The following TXNRD1 variants were observed in gnomAD, a reference collection of about 807,000 sequenced individuals.
The protein encoded by TXNRD1 is thioredoxin reductase 1, also known as thioredoxin reductase 1, cytoplasmic.
In TXNRD1, 57 loss-of-function variants were observed where a neutral mutation model predicts 80.3. The observed-to-expected ratio is 0.71, with a 90% CI of 0.57 to 0.89. The LOEUF (loss-of-function observed/expected upper bound fraction) is 0.89, where lower values mean the gene tolerates loss of function less well. Among genes scored for constraint, TXNRD1 ranks in the 40% least tolerant of loss-of-function variants. The pLI is 0.00. For synonymous variants in TXNRD1, 291 were observed against 285.2 expected (o/e 1.02, Z -0.20); for missense variants, 730 against 803.0 (o/e 0.91, Z 1.10).
intron 1 of TXNRD1, among the ~76,000 whole-genome samples, chr12:104,235,564 C>T (rs2032722316): frequency 6.6e-6 from 1 of 152,042 alleles, no homozygotes. Flanking sequence ...CTTGTGCAAA[C>T]CAGTAAAAGG....
intron 4 of TXNRD1, 64 bp from the exon 5 acceptor site, chr12:104,311,226 C>T: frequency 6.8e-7 from 1 of 1,478,380 alleles, no homozygotes. Context: ...GATTTTCTTA[C>T]AAAGCTTTTT....
At chr12:104,267,864 T>G (rs1453945582) in intron 3 of TXNRD1, among the ~76,000 whole-genome samples, 1 of 149,558 alleles carries the variant, frequency 6.7e-6, no homozygotes, top group Non-Finnish European at 1.5e-5. Context: ...TCTTTTTTTT[T>G]TTGAGACTGA....
In TXNRD1 at chr12:104,239,546, A is replaced by G. The variant is rs145565989; in HGVS notation, c.92-11981A>G. Among the ~76,000 whole-genome samples the G allele has an allele frequency of 1.5e-3, 226 of 149,816 alleles. 3 individuals carry two copies. Among genetic ancestry groups the G allele is most frequent in the Admixed American group, 9.0e-3 (132 of 14,596 alleles). Reference sequence around the variant, plus strand: ...CTTGTCTATTCAAGATTATAAGTCTATTTAGCTTCTCATTCCTTTTTTTTC... The same window carrying G: ...CTTGTCTATTCAAGATTATAAGTCTGTTTAGCTTCTCATTCCTTTTTTTTC... On this transcript the variant is annotated intron_variant, in intron 1 of 16. Coordinates refer to ENST00000525566, the MANE Select transcript of TXNRD1 (RefSeq NM_001093771.3).
At chr12:104,249,393 A>G (rs1379989862) in intron 1 of TXNRD1, among the ~76,000 whole-genome samples, 1 of 152,206 alleles carries the variant, frequency 6.6e-6, no homozygotes, top group Non-Finnish European at 1.5e-5. Flanking sequence ...CATTCAGATC[A>G]TAGCGCTTAT....
In TXNRD1 at chr12:104,348,577, A is replaced by AT. The variant is rs1425677224; in HGVS notation, c.*156_*157insT. ...GGCCCCCTTGGATCTCTTGGATAGG[A>AT]GTTGGTGAATAGAAGGCAGGCAGCA... On this transcript the variant is annotated 3_prime_UTR_variant, in exon 17 of 17. Transcript: ENST00000525566. 4.7e-6 allele frequency: 3 copies of AT among 642,934 alleles called. No individual in the cohort carries two copies. The highest frequency in any genetic ancestry group is 2.9e-5 in the Admixed American group (1 of 34,400). 39.8% of individuals were successfully genotyped at this position (642,934 alleles called of 1,614,324 possible). A position where few individuals can be genotyped will look rare whatever the true frequency, so the allele number is the denominator to read the frequency against.
chr12:104,290,215 C>T (rs2034130796), intron 4 of TXNRD1, among the ~76,000 whole-genome samples: 1 of 151,940 alleles, frequency 6.6e-6, no homozygotes, highest in South Asian at 2.1e-4. Context: ...TATTTATTAC[C>T]TTTTCTTTTA....
Position 104,230,162 on chromosome 12 carries a change from C to T in TXNRD1, c.91+14269C>T, listed in dbSNP as rs570923876. Among the ~76,000 whole-genome samples, 142 of 151,472 alleles carry T rather than the reference C, an allele frequency of 9.4e-4. No individual in the cohort carries two copies. In the Middle Eastern group the frequency reaches 0.017, roughly 18 times the overall value. On this transcript the variant is annotated intron_variant, in intron 1 of 16. Coordinates refer to ENST00000525566, the MANE Select transcript of TXNRD1 (RefSeq NM_001093771.3). ...TTGGCTCACTGCAACCTCCACCTCC[C>T]GGTTCAAGCAATTCTTCTGCTTGAG...
At chr12:104,329,333 A>G (rs2035871747) in intron 13 of TXNRD1, among the ~76,000 whole-genome samples, 1 of 151,840 alleles carries the variant, frequency 6.6e-6, no homozygotes, top group South Asian at 2.1e-4. Flanking sequence ...AAAGGCTAAA[A>G]CATTGAATGG....
chr12:104,224,116 T>TC (rs2032416920), intron 1 of TXNRD1, among the ~76,000 whole-genome samples: 3 of 152,282 alleles, frequency 2.0e-5, no homozygotes, highest in East Asian at 1.9e-4. Context: ...AAGTTTTTTT[T>TC]CCCCTGTTCC....
At chr12:104,325,804 C>T (rs1044748265) in intron 11 of TXNRD1, among the ~76,000 whole-genome samples, 6 of 151,566 alleles carry the variant, frequency 4.0e-5, no homozygotes, top group African/African-American at 1.5e-4. Context: ...CCCAGGAGAC[C>T]TAGGTTGCAG....
chr12:104,269,296 C>T lies in TXNRD1; in HGVS notation c.304+11217C>T, dbSNP rs115829464. Among the ~76,000 whole-genome samples the T allele has an allele frequency of 4.8e-3, 727 of 152,264 alleles. 2 individuals carry two copies. The highest frequency in any genetic ancestry group is 0.016 in the African/African-American group (685 of 41,554). On this transcript the variant is annotated intron_variant, in intron 3 of 16. Coordinates refer to ENST00000525566, the MANE Select transcript of TXNRD1 (RefSeq NM_001093771.3). ...TTATTTGCTCATCCATAAAAAGCAG[C>T]TCCTCATCCATTCAAATTTTACATG... is the stretch of plus-strand genomic sequence containing the variant.
intron 4 of TXNRD1, chr12:104,309,721 C>A (rs35205057): frequency 1.2e-5 from 17 of 1,437,042 alleles, no homozygotes; most frequent in South Asian, 2.7e-5. Flanking sequence ...ATCCTTTGAT[C>A]GAATGGCTAT....
At chr12:104,223,163 C>T (rs768430306) in intron 1 of TXNRD1, among the ~76,000 whole-genome samples, 1 of 152,194 alleles carries the variant, frequency 6.6e-6, no homozygotes, top group African/African-American at 2.4e-5. Flanking sequence ...GCATTTTAAG[C>T]TGCTTAATCC....
intron 3 of TXNRD1, among the ~76,000 whole-genome samples, chr12:104,261,483 T>C (rs1487676111): frequency 6.6e-6 from 1 of 152,086 alleles, no homozygotes; most frequent in South Asian, 2.1e-4. Flanking sequence ...TTCTTAAATG[T>C]CCTCTTTACT....
Position 104,326,375 on chromosome 12 carries a change from G to T in TXNRD1, c.1337G>T (p.Cys446Phe). Residue 446 changes from cysteine to phenylalanine, a missense_variant, in exon 12 of 17, where the codon TGC becomes TTC. By Grantham distance (205) the Cys-to-Phe change is radical (BLOSUM62 -2). Coordinates refer to ENST00000525566, the MANE Select transcript of TXNRD1 (RefSeq NM_001093771.3). ...TVMLAIGRDA[C>F]TRKIGLETVG... ...ATGCTGGCAATAGGAAGAGATGCTTGCACAAGAAAAATTGGCTTAGAAACC... is the reference window on the plus strand; with the variant it reads ...ATGCTGGCAATAGGAAGAGATGCTTTCACAAGAAAAATTGGCTTAGAAACC... 6.3e-7 allele frequency: 1 copy of T among 1,593,840 alleles called. No homozygotes were observed. The highest frequency in any genetic ancestry group is 1.8e-5 in the Admixed American group (1 of 57,090).
chr12:104,303,784 T>G (rs1481835777), intron 4 of TXNRD1: 3 of 1,277,434 alleles, frequency 2.3e-6, no homozygotes, highest in Admixed American at 6.3e-5. Context: ...TTCCACACGC[T>G]GGGAGGGCCG....
chr12:104,254,346 C>T (rs561681838), intron 2 of TXNRD1, among the ~76,000 whole-genome samples: 1 of 152,152 alleles, frequency 6.6e-6, no homozygotes, highest in Admixed American at 6.6e-5. Flanking sequence ...AATCTTCCTT[C>T]TGTCAGTACT....
intron 10 of TXNRD1, among the ~76,000 whole-genome samples, chr12:104,323,272 A>C (rs887842473): frequency 6.8e-6 from 1 of 147,046 alleles, no homozygotes; most frequent in East Asian, 2.0e-4. Flanking sequence ...TTTCTATTCC[A>C]CAAAGCCGCC....
chr12:104,252,923 C>T (rs938886665), intron 2 of TXNRD1, among the ~76,000 whole-genome samples: 3 of 151,278 alleles, frequency 2.0e-5, no homozygotes, highest in Admixed American at 6.6e-5. Context: ...AAGATGGCCT[C>T]GATCTCCTGA....
Sources: allele counts gnomAD v4.1 joint callset (sites outside exome capture counted in the v4.1 genomes callset), GRCh38; gene constraint gnomAD v4.1.1; transcripts MANE v1.5; gene names NCBI Gene and HGNC (gene_info 2026-07-23, HGNC 2026-07-21).